Variants in KCNK13 observed in about 807,000 individuals in gnomAD.
KCNK13 encodes the protein potassium two pore domain channel subfamily K member 13.
Under a neutral mutation model 23.4 loss-of-function variants are expected in KCNK13, and 12 were observed. That is an observed-to-expected ratio of 0.51 (90% CI 0.33 to 0.83). The LOEUF is 0.83. KCNK13 is among the 40% of genes least tolerant of loss of function. The pLI, the probability that KCNK13 is intolerant of heterozygous loss-of-function variation, is 0.02. For synonymous variants in KCNK13, 231 were observed against 229.5 expected, an observed-to-expected ratio of 1.01 and a Z score of -0.06; for missense variants, 463 against 556.3, an observed-to-expected ratio of 0.83 and a Z score of 1.69.
chr14:90,066,817 CA>C (rs200095445), intron 1 of KCNK13, among the ~76,000 whole-genome samples: 8 of 150,672 alleles, frequency 5.3e-5, no homozygotes, highest in Admixed American at 2.6e-4. Flanking sequence ...GGTATATATC[CA>C]AAAAAAAATC....
intron 1 of KCNK13, among the ~76,000 whole-genome samples, chr14:90,122,293 G>T (rs1889748271): frequency 6.6e-6 from 1 of 150,606 alleles, no homozygotes; most frequent in African/African-American, 2.5e-5. Context: ...AACAGGGCAT[G>T]AATATTTTAA....
intron 1 of KCNK13, among the ~76,000 whole-genome samples, chr14:90,150,072 A>G (rs1440983685): frequency 2.0e-5 from 3 of 152,184 alleles, no homozygotes; most frequent in Non-Finnish European, 2.9e-5. Flanking sequence ...ATAAGCGCTC[A>G]GAAGAGGGAC....
chr14:90,064,362 G>A (rs1330743543), intron 1 of KCNK13, among the ~76,000 whole-genome samples: 1 of 149,260 alleles, frequency 6.7e-6, no homozygotes, highest in Admixed American at 6.6e-5. Flanking sequence ...AGGCAGGAAG[G>A]AGCAGAGTGT....
At position 90,062,162 on chromosome 14, in the gene KCNK13, C is replaced by A; in HGVS notation, c.-44C>A. On this transcript the variant is annotated 5_prime_UTR_variant, in exon 1 of 2. Coordinates refer to ENST00000282146, the MANE Select transcript of KCNK13 (RefSeq NM_022054.4). The surrounding 1 kb of genome is among the most constrained non-coding windows in gnomAD (Gnocchi z 4.5). ...GGGGGTGTGGGCGAGACTCCGCCGA[C>A]GCCCGGTGCCGTGGGCCTGGGGGCT... The A allele has an allele frequency of 1.6e-6, 2 of 1,250,192 alleles. No individual in the cohort carries two copies. Among genetic ancestry groups the A allele is most frequent in the East Asian group, 3.1e-5 (1 of 31,830 alleles). The allele number at this position is 1,250,192 out of a possible 1,614,324, so 77.4% of individuals were successfully genotyped here. A position where few individuals can be genotyped will look rare whatever the true frequency, so the allele number is the denominator to read the frequency against.
intron 1 of KCNK13, among the ~76,000 whole-genome samples, chr14:90,063,686 G>C (rs551926044): frequency 6.6e-6 from 1 of 152,186 alleles, no homozygotes; most frequent in Non-Finnish European, 1.5e-5. Flanking sequence ...GAGGTGGGGC[G>C]ACAAGTTGAG....
chr14:90,062,127 C>G lies in KCNK13; in HGVS notation c.-79C>G. 1 of 978,332 alleles carries G rather than the reference C, an allele frequency of 1.0e-6. No individual in the cohort carries two copies. Among genetic ancestry groups the G allele is most frequent in the Non-Finnish European group, 1.4e-6 (1 of 736,976 alleles). The allele number at this position is 978,332 out of a possible 1,614,324, so 60.6% of individuals were successfully genotyped here. A position where few individuals can be genotyped will look rare whatever the true frequency, so the allele number is the denominator to read the frequency against. ...CGGGAGCTGGCTGAGCGCCGGGGCC[C>G]TTATTTCCCGGGGGTGTGGGCGAGA... is the stretch of plus-strand genomic sequence containing the variant. On this transcript the variant is annotated 5_prime_UTR_variant, in exon 1 of 2. Transcript: ENST00000282146. The surrounding 1 kb of genome is among the most constrained non-coding windows in gnomAD (Gnocchi z 4.5).
At chr14:90,120,269 T>C (rs1889722634) in intron 1 of KCNK13, among the ~76,000 whole-genome samples, 1 of 152,198 alleles carries the variant, frequency 6.6e-6, no homozygotes, top group Non-Finnish European at 1.5e-5. Context: ...GACTGCATAG[T>C]ATTCCATACG....
intron 1 of KCNK13, among the ~76,000 whole-genome samples, chr14:90,113,654 C>T (rs947131704): frequency 7.2e-5 from 11 of 152,066 alleles, no homozygotes; most frequent in Admixed American, 3.9e-4. Flanking sequence ...TGAGAGAGGC[C>T]GGGCACGGTG....
intron 1 of KCNK13, among the ~76,000 whole-genome samples, chr14:90,101,519 G>A (rs1346187438): frequency 6.6e-6 from 1 of 151,852 alleles, no homozygotes; most frequent in Non-Finnish European, 1.5e-5. Context: ...CCAGTTGGCC[G>A]GGTGTGGTGG....
At chr14:90,178,351 G>T (rs955048204) in intron 1 of KCNK13, among the ~76,000 whole-genome samples, 1 of 151,586 alleles carries the variant, frequency 6.6e-6, no homozygotes, top group African/African-American at 2.4e-5. Context: ...GAGTGCAATG[G>T]CGCAATCTCA....
At chr14:90,106,180 G>T (rs76184726) in intron 1 of KCNK13, among the ~76,000 whole-genome samples, 1 of 152,120 alleles carries the variant, frequency 6.6e-6, no homozygotes, top group African/African-American at 2.4e-5. Context: ...TTAGGAGCTC[G>T]GTGCCATAAG....
chr14:90,181,616 C>T lies in KCNK13; in HGVS notation c.335-2495C>T, dbSNP rs931436187. Among the ~76,000 whole-genome samples, 8 of 152,310 alleles carry T rather than the reference C, an allele frequency of 5.3e-5. No homozygotes were observed. The South Asian group carries it at 1.7e-3, about 32-fold the overall frequency. ...CATGTAGTGAGGGCCTTGAACTTAA[C>T]AGGTGCTCAGTAAATTATTGCTATC... is the stretch of plus-strand genomic sequence containing the variant. On this transcript the variant is annotated intron_variant, in intron 1 of 1. Coordinates refer to ENST00000282146, the MANE Select transcript of KCNK13 (RefSeq NM_022054.4).
chr14:90,127,050 TAAAG>T (rs1364745530), intron 1 of KCNK13, among the ~76,000 whole-genome samples: 2 of 151,930 alleles, frequency 1.3e-5, no homozygotes, highest in East Asian at 3.9e-4. Flanking sequence ...TAGGGAAAAA[TAAAG>T]GAAGTCTGAA....
intron 1 of KCNK13, among the ~76,000 whole-genome samples, chr14:90,101,675 A>G (rs1045609490): frequency 6.6e-6 from 1 of 150,482 alleles, no homozygotes; most frequent in Non-Finnish European, 1.5e-5. Context: ...CTGTAATCCC[A>G]GCTACTCGGG....
chr14:90,171,938 A>G (rs952584780), intron 1 of KCNK13, among the ~76,000 whole-genome samples: 2 of 152,200 alleles, frequency 1.3e-5, no homozygotes, highest in Non-Finnish European at 2.9e-5. Context: ...TCACAGAGAC[A>G]AAACTAAGTT....
intron 1 of KCNK13, among the ~76,000 whole-genome samples, chr14:90,155,579 G>A (rs574295061): frequency 1.3e-5 from 2 of 152,206 alleles, no homozygotes; most frequent in Non-Finnish European, 2.9e-5. Context: ...TTTTGGACTG[G>A]AGAGGTAGCA....
intron 1 of KCNK13, among the ~76,000 whole-genome samples, chr14:90,065,679 G>T (rs1888998942): frequency 6.6e-6 from 1 of 152,232 alleles, no homozygotes; most frequent in Admixed American, 6.5e-5. Flanking sequence ...GCTGTCTGGG[G>T]AGGATGAGAA....
chr14:90,110,067 G>A (rs1489481676), intron 1 of KCNK13, among the ~76,000 whole-genome samples: 2 of 152,056 alleles, frequency 1.3e-5, no homozygotes, highest in African/African-American at 2.4e-5. Flanking sequence ...ACTAAATGCC[G>A]ATCCTTGTGA....
chr14:90,118,331 A>G (rs1889700607), intron 1 of KCNK13, among the ~76,000 whole-genome samples: 1 of 152,188 alleles, frequency 6.6e-6, no homozygotes, highest in Admixed American at 6.5e-5. Flanking sequence ...TTTGTTTTCT[A>G]GGGCTGAGTT....
Sources: gnomAD v4.1 joint callset for allele counts (sites outside exome capture counted in the v4.1 genomes callset) on GRCh38, gnomAD v4.1.1 for gene constraint, Gnocchi (gnomAD v3.1) non-coding constraint, MANE v1.5 for transcripts, NCBI Gene and HGNC (gene_info 2026-07-23, HGNC 2026-07-21) for gene names.